The following ENC1 variants were observed in gnomAD, a reference collection of about 807,000 sequenced individuals.
ENC1 encodes the protein ectodermal-neural cortex 1.
ENC1 carries 19 observed loss-of-function variants against 40.9 expected under a neutral mutation model. That is an observed-to-expected ratio of 0.46 (90% CI 0.32 to 0.68). The LOEUF (loss-of-function observed/expected upper bound fraction) is 0.68. Among genes scored for constraint, ENC1 ranks in the 30% least tolerant of loss-of-function variants. The pLI is 0.03. For missense variants in ENC1, 479 were observed against 737.5 expected (o/e 0.65, Z 4.06); for synonymous variants, 285 against 291.1 (o/e 0.98, Z 0.21).
chr5:74,627,956 C>T lies in ENC1; in HGVS notation c.*2069G>A, dbSNP rs2112004767. 6.5e-6 allele frequency: 1 copy of T among 152,766 alleles called. No homozygotes were observed. The highest frequency in any genetic ancestry group is 1.9e-4 in the East Asian group (1 of 5,188). The allele number at this position is 152,766 out of a possible 1,614,324, so 9.5% of individuals were successfully genotyped here. On this transcript the variant is annotated 3_prime_UTR_variant, in exon 3 of 3. Coordinates refer to ENST00000302351, the MANE Select transcript of ENC1 (RefSeq NM_003633.4). ...AATTAATAGAGGATTCAAGAACAGA[C>T]CCCAACTTTGAAACAGCTGCAGAAA...
At chr5:74,638,576 C>A (rs1055581975) in intron 1 of ENC1, among the ~76,000 whole-genome samples, 2 of 152,198 alleles carry the variant, frequency 1.3e-5, no homozygotes, top group Admixed American at 6.5e-5. Flanking sequence ...CTACTGTCTA[C>A]TCCATTCTAA....
chr5:74,637,291 A>AT (rs1443114069), intron 1 of ENC1, among the ~76,000 whole-genome samples: 1 of 151,980 alleles, frequency 6.6e-6, no homozygotes, highest in Non-Finnish European at 1.5e-5. Flanking sequence ...AATTTTTTGT[A>AT]TTTTTTGTAG....
rs1046985163 is a variant in ENC1, at chr5:74,636,888, C to T, written c.-13-390G>A. Among the ~76,000 whole-genome samples, 2 of 152,216 alleles carry T rather than the reference C, an allele frequency of 1.3e-5. No individual in the cohort carries two copies. Among genetic ancestry groups the T allele is most frequent in the African/African-American group, 2.4e-5 (1 of 41,450 alleles). ...CTGTCCTAGTCCAGCTCATTCACTG[C>T]GGGCCACTTAAAATGCCAGGTCTCC... On this transcript the variant is annotated intron_variant, in intron 1 of 2. Transcript: ENST00000302351. This position sits in a 1 kb window ranked among gnomAD's most constrained non-coding sequence, Gnocchi z 4.8.
intron 2 of ENC1, among the ~76,000 whole-genome samples, chr5:74,631,728 A>T (rs1469590243): frequency 6.6e-6 from 1 of 152,200 alleles, no homozygotes; most frequent in African/African-American, 2.4e-5. Flanking sequence ...TTTCCCAGCG[A>T]CCGGAAGGGT....
At chr5:74,637,764 G>A in intron 1 of ENC1, 1 of 109,632 alleles carries the variant, frequency 9.1e-6, no homozygotes. Flanking sequence ...ACGTGTGTGT[G>A]TGTGTGTGTG....
chr5:74,634,290 G>A (rs1747494394), intron 2 of ENC1, among the ~76,000 whole-genome samples: 1 of 152,032 alleles, frequency 6.6e-6, no homozygotes, highest in Admixed American at 6.6e-5. Flanking sequence ...GTGGGCGCCT[G>A]TATCCCAGCT....
At chr5:74,631,653 C>T (rs1319531672) in intron 2 of ENC1, among the ~76,000 whole-genome samples, 1 of 152,204 alleles carries the variant, frequency 6.6e-6, no homozygotes, top group Non-Finnish European at 1.5e-5. Flanking sequence ...TTGACTCTCT[C>T]ACTGGTAGCG....
chr5:74,634,030 G>T (rs1463990476), intron 2 of ENC1, among the ~76,000 whole-genome samples: 1 of 152,134 alleles, frequency 6.6e-6, no homozygotes, highest in East Asian at 1.9e-4. Context: ...TTGTTCATTG[G>T]AATCATCCGG....
rs1747267496 is a variant in ENC1 at position 74,628,229 on chromosome 5, A to G, written c.*1796T>C. On this transcript the variant is annotated 3_prime_UTR_variant, in exon 3 of 3. Transcript: ENST00000302351. The stretch of plus-strand genomic sequence containing the variant: ...CAACTACAGCCCACTCATTCATGGC[A>G]TGGACGGACAAACACAATTAGTCTA... 1 of 152,698 alleles carries G rather than the reference A, an allele frequency of 6.5e-6. No individual in the cohort carries two copies. The highest frequency in any genetic ancestry group is 2.1e-4 in the South Asian group (1 of 4,832). The allele number at this position is 152,698 out of a possible 1,614,324, so 9.5% of individuals were successfully genotyped here.
rs1747531771 is a variant in ENC1 at position 74,635,156 on chromosome 5, G to C, written c.1330C>G (p.Leu444Val). The part of the protein sequence containing the change: ...VSNAAVVSAK[L>V]KLFAFGGTSV... Reference sequence around the variant, plus strand: ...GTACCTCCGAAAGCAAATAACTTAAGTTTGGCACTCACTACTGCGGCGTTG... The same window carrying C: ...GTACCTCCGAAAGCAAATAACTTAACTTTGGCACTCACTACTGCGGCGTTG... Residue 444 changes from leucine (L) to valine (V), a missense_variant, in exon 2 of 3, where the codon CTT becomes GTT. Coordinates refer to ENST00000302351, the MANE Select transcript of ENC1 (RefSeq NM_003633.4). This position sits in a 1 kb window ranked among gnomAD's most constrained non-coding sequence, Gnocchi z 5.5. 6.2e-7 allele frequency: 1 copy of C among 1,614,208 alleles called. No individual in the cohort carries two copies. The highest frequency in any genetic ancestry group is 2.2e-5 in the East Asian group (1 of 44,888).
At chr5:74,632,081 G>C (rs569218965) in intron 2 of ENC1, 1 of 152,324 alleles carries the variant, frequency 6.6e-6, no homozygotes, top group Admixed American at 6.5e-5. Context: ...CTTAAAACTA[G>C]GGCCAGAATA....
intron 2 of ENC1, among the ~76,000 whole-genome samples, chr5:74,633,822 C>T (rs1747474471): frequency 6.6e-6 from 1 of 151,576 alleles, no homozygotes; most frequent in Non-Finnish European, 1.5e-5. Context: ...GCTCTGCTAA[C>T]TCGGGCAGCT....
rs772724462 is a variant in ENC1, at chr5:74,634,990, C to T, written c.1496G>A (p.Gly499Asp). ...AGAGCAGGCAGAGAATTCTGTATCA[C>T]CCCCCATAATAAAAATCTGGTTCCC... ...VLGNQIFIMG[G>D]DTEFSACSAY... is the part of the protein sequence containing the mutation. Residue 499 changes from glycine (G) to aspartate (D), a missense_variant, in exon 2 of 3, where the codon GGT (glycine) becomes GAT (aspartate). Transcript: ENST00000302351. The T allele has an allele frequency of 6.2e-7, 1 of 1,613,934 alleles. No homozygotes were observed. Among genetic ancestry groups the T allele is most frequent in the Non-Finnish European group, 8.5e-7 (1 of 1,179,942 alleles).
At chr5:74,634,531 T>C (rs1580347541) in intron 2 of ENC1, among the ~76,000 whole-genome samples, 153 bp downstream of exon 2, 1 of 152,128 alleles carries the variant, frequency 6.6e-6, no homozygotes, top group Non-Finnish European at 1.5e-5. Context: ...TCAACACAAG[T>C]GGATAAGTTC....
In ENC1 at chr5:74,635,803, T is replaced by C; in HGVS notation, c.683A>G (p.Tyr228Cys). The C allele has an allele frequency of 6.2e-7, 1 of 1,613,944 alleles. No individual in the cohort carries two copies. The highest frequency in any genetic ancestry group is 8.5e-7 in the Non-Finnish European group (1 of 1,180,002). ...TACTGTCTGCAACAGTTCTGGGAGG[T>C]AGCAATAGCGCTTCTTCAGGTCATA... ...ISYDLKKRYCYLPELLQTVRL... is the reference protein window; with the variant it reads ...ISYDLKKRYCCLPELLQTVRL... Residue 228 changes from tyrosine (Y) to cysteine (C), a missense_variant, in exon 2 of 3, where the codon TAC (tyrosine) becomes TGC (cysteine). Coordinates refer to ENST00000302351, the MANE Select transcript of ENC1 (RefSeq NM_003633.4). This position sits in a 1 kb window ranked among gnomAD's most constrained non-coding sequence, Gnocchi z 5.5.
At position 74,635,946 on chromosome 5, in the gene ENC1, C is replaced by T. The variant is rs1269401184; in HGVS notation, c.540G>A (p.Arg180=). ...GCAGCTGGAGGAAATCTTCATTCTTCCTGATGGTTTGGAAGTTGCTGAGAC... is the reference window on the plus strand; with the variant it reads ...GCAGCTGGAGGAAATCTTCATTCTTTCTGATGGTTTGGAAGTTGCTGAGAC... ...RMCLSNFQTI[R]KNEDFLQLPQ... Residue 180 remains arginine (R), a synonymous_variant, in exon 2 of 3, where the codon AGG becomes AGA. Coordinates refer to ENST00000302351, the MANE Select transcript of ENC1 (RefSeq NM_003633.4). This position sits in a 1 kb window ranked among gnomAD's most constrained non-coding sequence, Gnocchi z 5.5. 6.2e-7 allele frequency: 1 copy of T among 1,614,122 alleles called. No homozygotes were observed. The highest frequency in any genetic ancestry group is 1.7e-5 in the Admixed American group (1 of 60,020).
rs1554029447 is a variant in ENC1 at position 74,628,386 on chromosome 5, G to A, written c.*1639C>T. 2 of 152,652 alleles carry A rather than the reference G, an allele frequency of 1.3e-5. No individual in the cohort carries two copies. Among genetic ancestry groups the A allele is most frequent in the Admixed American group, 6.5e-5 (1 of 15,282 alleles). The allele number at this position is 152,652 out of a possible 1,614,324, so 9.5% of individuals were successfully genotyped here. A position where few individuals can be genotyped will look rare whatever the true frequency, so the allele number is the denominator to read the frequency against. On this transcript the variant is annotated 3_prime_UTR_variant, in exon 3 of 3. Transcript: ENST00000302351. ...ATACAGCAATGTGAGAAACATGGAC[G>A]AAAGCAGTTCGAGTTGCAAACTTTG...
chr5:74,634,628 A>G (rs1213452292), intron 2 of ENC1, 56 bp downstream of exon 2: 2 of 818,948 alleles, frequency 2.4e-6, no homozygotes, highest in African/African-American at 3.4e-5. Flanking sequence ...CCATGTACTG[A>G]ACTTACACAA....
At chr5:74,638,452 G>A (rs922194523) in intron 1 of ENC1, among the ~76,000 whole-genome samples, 1 of 152,164 alleles carries the variant, frequency 6.6e-6, no homozygotes, top group African/African-American at 2.4e-5. Flanking sequence ...AAGCAACAAA[G>A]TCCTAGAGCT....
Sources: allele counts gnomAD v4.1 joint callset (sites outside exome capture counted in the v4.1 genomes callset), GRCh38; gene constraint gnomAD v4.1.1; non-coding constraint Gnocchi (gnomAD v3.1); transcripts MANE v1.5; gene names NCBI Gene and HGNC (gene_info 2026-07-23, HGNC 2026-07-21).